The following C8orf34 variants were observed in gnomAD, a reference collection of about 807,000 sequenced individuals.
The protein encoded by C8orf34 is chromosome 8 open reading frame 34.
A neutral mutation model predicts 68.3 loss-of-function variants in C8orf34; 65 were observed. That is an observed-to-expected ratio of 0.95 (90% CI 0.78 to 1.17). C8orf34 has a LOEUF of 1.17. Ranked by LOEUF, C8orf34 falls within the 50% of genes most tolerant of loss-of-function variation. The pLI, the probability that C8orf34 is intolerant of heterozygous loss-of-function variation, is 0.00. For missense variants in C8orf34, 664 were observed against 655.4 expected (o/e 1.01, Z -0.14); for synonymous variants, 244 against 241.2 (o/e 1.01, Z -0.11).
chr8:68,630,967 T>TTTTA lies in C8orf34; in HGVS notation c.1106-9409_1106-9408insTTTA, dbSNP rs34850011. ...GCTATTTTTTTTTTTTTTTTTTTTT[T>TTTTA]AAAAAACAGGGCCCCAGCCAAGGTT... On this transcript the variant is annotated intron_variant, in intron 7 of 13. Coordinates refer to ENST00000518698, the MANE Select transcript of C8orf34 (RefSeq NM_052958.4). Among the ~76,000 whole-genome samples, 769 of 137,118 alleles carry TTTTA rather than the reference T, an allele frequency of 5.6e-3. 12 individuals carry two copies. The highest frequency in any genetic ancestry group is 0.02 in the African/African-American group (682 of 34,856). 90.0% of individuals were successfully genotyped at this position (137,118 alleles called of 152,430 possible). A position where few individuals can be genotyped will look rare whatever the true frequency, so the allele number is the denominator to read the frequency against.
rs1010093045 is a variant in C8orf34, at chr8:68,557,542, G to C, written c.1105+24393G>C. On this transcript the variant is annotated intron_variant, in intron 7 of 13. Transcript: ENST00000518698. ...TATATTTCATTGCTATTTCTTTGCT[G>C]TCTGCCCACCCAGATCTTGCAGGTA... is the stretch of plus-strand genomic sequence containing the variant. Among the ~76,000 whole-genome samples, 38 of 152,022 alleles carry C rather than the reference G, an allele frequency of 2.5e-4. 1 individual carries two copies. The highest frequency in any genetic ancestry group is 8.9e-4 in the African/African-American group (37 of 41,388).
chr8:68,459,439 G>T (rs532180724), intron 3 of C8orf34, among the ~76,000 whole-genome samples: 25 of 152,104 alleles, frequency 1.6e-4, no homozygotes, highest in African/African-American at 5.8e-4. Context: ...CTCCATGTTG[G>T]CCAGGCTGGT....
At chr8:68,352,011 G>A (rs914059845) in intron 1 of C8orf34, among the ~76,000 whole-genome samples, 1 of 151,974 alleles carries the variant, frequency 6.6e-6, no homozygotes, top group South Asian at 2.1e-4. Flanking sequence ...TGAGCTGTTT[G>A]TTAAGGTCTT....
chr8:68,770,330 AGAAT>A (rs765480311), intron 10 of C8orf34, among the ~76,000 whole-genome samples: 1 of 152,240 alleles, frequency 6.6e-6, no homozygotes, highest in Non-Finnish European at 1.5e-5. Flanking sequence ...CATTTTAGAA[AGAAT>A]GAATGAATAC....
chr8:68,580,472 A>T (rs952019855), intron 7 of C8orf34, among the ~76,000 whole-genome samples: 1 of 152,088 alleles, frequency 6.6e-6, no homozygotes, highest in African/African-American at 2.4e-5. Flanking sequence ...AAACCCAGGA[A>T]ACTTTATAGT....
chr8:68,581,439 G>C (rs146892000), intron 7 of C8orf34, among the ~76,000 whole-genome samples: 2 of 152,168 alleles, frequency 1.3e-5, no homozygotes, highest in African/African-American at 4.8e-5. Flanking sequence ...TGCTTCAGGG[G>C]AGAAGAGTGA....
intron 8 of C8orf34, among the ~76,000 whole-genome samples, chr8:68,700,616 A>T (rs1021664792): frequency 6.6e-6 from 1 of 152,142 alleles, no homozygotes; most frequent in South Asian, 2.1e-4. Context: ...TGTTGTGGAC[A>T]GTATCAGACC....
intron 1 of C8orf34, among the ~76,000 whole-genome samples, chr8:68,417,093 G>A (rs1355644176): frequency 6.6e-6 from 1 of 151,978 alleles, no homozygotes; most frequent in Admixed American, 6.6e-5. Context: ...ATTGTGTAGA[G>A]TTTCAATATA....
chr8:68,529,434 A>G (rs1246082515), intron 6 of C8orf34, among the ~76,000 whole-genome samples: 1 of 152,174 alleles, frequency 6.6e-6, no homozygotes. Context: ...CGTATCTGTA[A>G]TTGTGAAATT....
chr8:68,523,795 C>T (rs1249619319), intron 6 of C8orf34, among the ~76,000 whole-genome samples: 3 of 152,040 alleles, frequency 2.0e-5, no homozygotes, highest in East Asian at 1.9e-4. Flanking sequence ...CTCCAGAGTC[C>T]GTAACTATAG....
chr8:68,404,499 T>C (rs1406733134), intron 1 of C8orf34, among the ~76,000 whole-genome samples: 1 of 152,214 alleles, frequency 6.6e-6, no homozygotes, highest in Non-Finnish European at 1.5e-5. Context: ...AGGGTTTTTA[T>C]GGTTTTAGGT....
intron 10 of C8orf34, among the ~76,000 whole-genome samples, chr8:68,727,270 T>G (rs978186567): frequency 1.3e-5 from 2 of 152,150 alleles, no homozygotes; most frequent in African/African-American, 4.8e-5. Context: ...CAAAATGATC[T>G]CCTTTGACTC....
intron 5 of C8orf34, among the ~76,000 whole-genome samples, chr8:68,506,931 CA>C (rs1814050344): frequency 6.6e-6 from 1 of 152,088 alleles, no homozygotes; most frequent in African/African-American, 2.4e-5. Context: ...CATTGATACG[CA>C]TGCTTTTTCT....
intron 1 of C8orf34, among the ~76,000 whole-genome samples, chr8:68,419,306 A>G (rs1809833384): frequency 6.8e-6 from 1 of 147,654 alleles, no homozygotes. Context: ...TAGAATGGCA[A>G]TCATTAAAAA....
intron 7 of C8orf34, among the ~76,000 whole-genome samples, chr8:68,592,048 A>G (rs910994747): frequency 2.0e-5 from 3 of 152,186 alleles, no homozygotes; most frequent in Non-Finnish European, 4.4e-5. Context: ...AAAAAAATTT[A>G]TAAACTTACA....
At chr8:68,689,780 A>C (rs17388040) in intron 8 of C8orf34, among the ~76,000 whole-genome samples, 28,675 of 151,952 alleles carry the variant, frequency 0.19, 3,102 homozygotes, top group Non-Finnish European at 0.24. Flanking sequence ...TTGAAGTTTC[A>C]GTTATCTCTA....
At chr8:68,338,924 T>A (rs1386254310) in intron 1 of C8orf34, among the ~76,000 whole-genome samples, 2 of 152,236 alleles carry the variant, frequency 1.3e-5, no homozygotes, top group East Asian at 3.9e-4. Context: ...AGGTTTGTAA[T>A]GATATCTCAT....
At chr8:68,426,518 C>CAAAAAAAAAAAAAA (rs753578060) in intron 1 of C8orf34, among the ~76,000 whole-genome samples, 33 of 29,624 alleles carry the variant, frequency 1.1e-3, no homozygotes, top group African/African-American at 2.4e-3. Flanking sequence ...GACCTTGTCT[C>CAAAAAAAAAAAAAA]AAAAAAAAAA....
intron 9 of C8orf34, among the ~76,000 whole-genome samples, chr8:68,716,691 G>C (rs1821482437): frequency 6.6e-6 from 1 of 151,920 alleles, no homozygotes; most frequent in Admixed American, 6.6e-5. Flanking sequence ...TATAAGGCAG[G>C]TATATGAGTT....
Sources: gnomAD v4.1 joint callset for allele counts (sites outside exome capture counted in the v4.1 genomes callset) on GRCh38, gnomAD v4.1.1 for gene constraint, MANE v1.5 for transcripts, NCBI Gene and HGNC (gene_info 2026-07-23, HGNC 2026-07-21) for gene names.